The following CLDN10 variants were observed in gnomAD, a reference collection of about 807,000 sequenced individuals.
CLDN10 encodes the protein claudin 10, also known as claudin-10.
Under a neutral mutation model 22.9 loss-of-function variants are expected in CLDN10, and 15 were observed. The ratio of observed to expected loss-of-function variants is 0.65; its 90% CI spans 0.44 to 1.01. The LOEUF (loss-of-function observed/expected upper bound fraction) is 1.01, where lower values mean the gene tolerates loss of function less well. Ranked by LOEUF, CLDN10 falls within the 50% of genes least tolerant of loss-of-function variation. The probability of loss-of-function intolerance (pLI) is 0.00; values close to 1 mark genes in which losing one functional copy is unlikely to be tolerated. For missense variants in CLDN10, 247 were observed against 287.8 expected (o/e 0.86, Z 1.03); for synonymous variants, 114 against 111.4 (o/e 1.02, Z -0.15).
chr13:95,489,929 AC>A (rs2042852530), intron 1 of CLDN10, among the ~76,000 whole-genome samples: 1 of 152,158 alleles, frequency 6.6e-6, no homozygotes, highest in Non-Finnish European at 1.5e-5. Flanking sequence ...TCATTTTCCT[AC>A]ATGTGGCTAG....
upstream of CLDN10, among the ~76,000 whole-genome samples, chr13:95,551,053 C>A (rs1472929793): frequency 6.6e-6 from 1 of 151,896 alleles, no homozygotes; most frequent in African/African-American, 2.4e-5. Context: ...AGCTGGGGTT[C>A]AGAGCAGAAC....
upstream of CLDN10, among the ~76,000 whole-genome samples, chr13:95,549,422 C>T (rs763474730): frequency 4.6e-5 from 7 of 152,236 alleles, no homozygotes; most frequent in Non-Finnish European, 1.0e-4. Flanking sequence ...CAAAACAAGA[C>T]ATTTATCCAT....
intron 1 of CLDN10, 88 bp downstream of exon 1, chr13:95,553,061 G>A (rs1161466555): frequency 1.3e-6 from 2 of 1,526,434 alleles, no homozygotes; most frequent in Non-Finnish European, 8.8e-7. Context: ...ACCCCCAGCG[G>A]GACCCCTAGA....
intron 1 of CLDN10, among the ~76,000 whole-genome samples, chr13:95,456,490 C>G (rs1049709628): frequency 3.3e-5 from 5 of 152,102 alleles, no homozygotes; most frequent in Admixed American, 2.0e-4. Flanking sequence ...TGGTGACTCA[C>G]TCTTGTAATC....
chr13:95,443,771 T>C (rs1352977878), intron 1 of CLDN10, among the ~76,000 whole-genome samples: 1 of 152,140 alleles, frequency 6.6e-6, no homozygotes, highest in Non-Finnish European at 1.5e-5. Context: ...GGTGTGGTCT[T>C]TGGGCTGGTT....
intron 1 of CLDN10, among the ~76,000 whole-genome samples, chr13:95,483,706 T>G (rs1240942305): frequency 6.6e-6 from 1 of 152,138 alleles, no homozygotes; most frequent in African/African-American, 2.4e-5. Flanking sequence ...TGGAGTTAGG[T>G]GGACTTTTAG....
chr13:95,449,290 T>G (rs2042410448), intron 1 of CLDN10, among the ~76,000 whole-genome samples: 1 of 151,920 alleles, frequency 6.6e-6, no homozygotes, highest in East Asian at 1.9e-4. Context: ...CTCGCTCTGT[T>G]GCCCAGGCTG....
chr13:95,541,469 A>G (rs1249709146), intron 1 of CLDN10, among the ~76,000 whole-genome samples: 1 of 151,618 alleles, frequency 6.6e-6, no homozygotes, highest in Non-Finnish European at 1.5e-5. Flanking sequence ...ACCCCATCAC[A>G]CTCTGCGTCT....
intron 3 of CLDN10, among the ~76,000 whole-genome samples, chr13:95,565,221 C>T (rs775557505): frequency 2.6e-5 from 4 of 152,032 alleles, no homozygotes; most frequent in Non-Finnish European, 4.4e-5. Flanking sequence ...TTACGTTATT[C>T]CCACCATTGT....
At chr13:95,562,846 G>T (rs945746070) in intron 3 of CLDN10, among the ~76,000 whole-genome samples, 2 of 152,100 alleles carry the variant, frequency 1.3e-5, no homozygotes, top group South Asian at 2.1e-4. Flanking sequence ...AATGGTCAAG[G>T]CTAATTTGTG....
intron 1 of CLDN10, among the ~76,000 whole-genome samples, chr13:95,447,529 C>G (rs1319582764): frequency 3.3e-5 from 5 of 152,178 alleles, no homozygotes; most frequent in African/African-American, 1.2e-4. Flanking sequence ...ATCCAGCATG[C>G]CTGGTGGCTC....
intron 1 of CLDN10, among the ~76,000 whole-genome samples, chr13:95,468,742 A>G (rs1051684868): frequency 6.6e-6 from 1 of 152,072 alleles, no homozygotes; most frequent in African/African-American, 2.4e-5. Flanking sequence ...AAAAATGAAG[A>G]AAGAAAACGG....
At chr13:95,558,933 G>A (rs1309883294) in intron 1 of CLDN10, among the ~76,000 whole-genome samples, 4 of 151,460 alleles carry the variant, frequency 2.6e-5, no homozygotes, top group Non-Finnish European at 5.9e-5. Context: ...GTTAAAAAAA[G>A]AAAAGAAAAA....
chr13:95,493,866 G>C (rs2042901983), intron 1 of CLDN10, among the ~76,000 whole-genome samples: 1 of 151,994 alleles, frequency 6.6e-6, no homozygotes, highest in Middle Eastern at 3.2e-3. Flanking sequence ...GGCCATATTT[G>C]TCCTTTTGTG....
chr13:95,507,165 C>T (rs2043046713), intron 1 of CLDN10, among the ~76,000 whole-genome samples: 1 of 152,120 alleles, frequency 6.6e-6, no homozygotes, highest in African/African-American at 2.4e-5. Context: ...TTCCTTTGAT[C>T]GATTTGTGAA....
intron 1 of CLDN10, among the ~76,000 whole-genome samples, chr13:95,505,402 G>A (rs558932025): frequency 2.0e-4 from 30 of 152,176 alleles, no homozygotes; most frequent in Non-Finnish European, 3.2e-4. Flanking sequence ...CTTACAATGG[G>A]CACATGGGGA....
chr13:95,524,058 A>G (rs1054130107), intron 1 of CLDN10, among the ~76,000 whole-genome samples: 6 of 148,992 alleles, frequency 4.0e-5, no homozygotes, highest in African/African-American at 1.5e-4. Context: ...AAAGTAAGCT[A>G]TATGTCCAAC....
intron 1 of CLDN10, among the ~76,000 whole-genome samples, chr13:95,491,620 C>G (rs2042872595): frequency 6.6e-6 from 1 of 152,026 alleles, no homozygotes; most frequent in Non-Finnish European, 1.5e-5. Flanking sequence ...TCTCTGGTCC[C>G]TCCCTGATTA....
intron 1 of CLDN10, among the ~76,000 whole-genome samples, chr13:95,534,257 C>A (rs2043376955): frequency 6.6e-6 from 1 of 151,558 alleles, no homozygotes; most frequent in Non-Finnish European, 1.5e-5. Flanking sequence ...CTTTTTTTTC[C>A]TTCAAATAGG....
Sources: allele counts gnomAD v4.1 joint callset (sites outside exome capture counted in the v4.1 genomes callset), GRCh38; gene constraint gnomAD v4.1.1; transcripts MANE v1.5; gene names NCBI Gene and HGNC (gene_info 2026-07-23, HGNC 2026-07-21).